CDK12: variants seen among roughly 807,000 people sequenced by gnomAD.
The protein encoded by CDK12 is cyclin dependent kinase 12, also known as cyclin-dependent kinase 12.
A neutral mutation model predicts 133.8 loss-of-function variants in CDK12; 17 were observed. The observed-to-expected ratio is 0.13, with a 90% CI of 0.09 to 0.19. The LOEUF (loss-of-function observed/expected upper bound fraction) is 0.19, where lower values mean the gene tolerates loss of function less well. CDK12 is among the 10% of genes least tolerant of loss of function. CDK12 has a pLI of 1.00. For missense variants in CDK12, 1,508 were observed against 1,818.7 expected (o/e 0.83, Z 3.11); for synonymous variants, 694 against 683.6 (o/e 1.02, Z -0.24).
upstream of CDK12, among the ~76,000 whole-genome samples, chr17:39,548,733 C>T (rs987440125): frequency 6.6e-6 from 1 of 152,184 alleles, no homozygotes; most frequent in Non-Finnish European, 1.5e-5. Flanking sequence ...GGCCATGAGC[C>T]TCATACCCAC....
intron 9 of CDK12, among the ~76,000 whole-genome samples, 189 bp from the exon 10 acceptor site, chr17:39,517,251 A>G (rs545315168): frequency 6.6e-6 from 1 of 152,294 alleles, no homozygotes; most frequent in East Asian, 1.9e-4. Context: ...TGTTATAACC[A>G]GTTCTTTCTG....
chr17:39,464,308 C>G (rs553387301), intron 1 of CDK12, among the ~76,000 whole-genome samples: 88 of 151,960 alleles, frequency 5.8e-4, no homozygotes, highest in African/African-American at 1.8e-3. Flanking sequence ...GCAGCCTTGA[C>G]TTCCCAGGCT....
At chr17:39,557,928 AAATGCAGAAAAAC>A (rs1426675563) in intron 3 of CDK12, among the ~76,000 whole-genome samples, 1 of 152,196 alleles carries the variant, frequency 6.6e-6, no homozygotes, top group Non-Finnish European at 1.5e-5. Flanking sequence ...TTTCCTTGTA[AAATGCAGAAAAAC>A]AACTACTCCT....
intron 2 of CDK12, among the ~76,000 whole-genome samples, chr17:39,484,670 A>G (rs898338988): frequency 6.6e-6 from 1 of 152,166 alleles, no homozygotes; most frequent in African/African-American, 2.4e-5. Flanking sequence ...TAAAAATGTA[A>G]TATTTTAGAA....
chr17:39,520,924 C>T (rs757145751), intron 11 of CDK12, among the ~76,000 whole-genome samples: 2 of 151,916 alleles, frequency 1.3e-5, no homozygotes, highest in Non-Finnish European at 2.9e-5. Flanking sequence ...CTCAGCTCGC[C>T]GCAACCTCTG....
chr17:39,560,350 T>C (rs754560265), intron 3 of CDK12, among the ~76,000 whole-genome samples: 7 of 152,264 alleles, frequency 4.6e-5, no homozygotes, highest in Non-Finnish European at 1.0e-4. Context: ...TCTCACTTTG[T>C]ACTCATTAGC....
intron 2 of CDK12, 82 bp downstream of exon 2, chr17:39,471,845 C>T (rs546192190): frequency 4.2e-6 from 5 of 1,201,760 alleles, no homozygotes; most frequent in Non-Finnish European, 4.7e-6. Flanking sequence ...CAACACTACC[C>T]TCATGGTTTT....
chr17:39,492,941 T>C, intron 4 of CDK12, 51 bp downstream of exon 4: 1 of 1,440,796 alleles, frequency 6.9e-7, no homozygotes, highest in Non-Finnish European at 9.5e-7. Context: ...AATTTAGCAA[T>C]ACTAATATCT....
intron 2 of CDK12, among the ~76,000 whole-genome samples, chr17:39,476,976 C>A (rs924976192): frequency 1.3e-5 from 2 of 151,158 alleles, no homozygotes; most frequent in African/African-American, 4.9e-5. Flanking sequence ...GGGCTTCCAA[C>A]GTGCTGGAAT....
At position 39,492,890 on chromosome 17, in the gene CDK12, G is replaced by A. The variant is rs2051749842; in HGVS notation, c.2248G>A (p.Gly750Arg). The A allele has an allele frequency of 6.3e-7, 1 of 1,592,000 alleles. No individual in the cohort carries two copies. The highest frequency in any genetic ancestry group is 1.2e-5 in the South Asian group (1 of 86,482). Residue 750 changes from glycine (G) to arginine (R), a missense_variant and splice_region_variant, in exon 4 of 14, where the codon GGA (glycine) becomes AGA (arginine). Gly to Arg is a moderately radical substitution (Grantham distance 125, BLOSUM62 -2). Around this residue, in one of 9 missense-constraint regions of CDK12, gnomAD observed 74 missense variants for 160.2 expected, o/e 0.46. Coordinates refer to ENST00000447079, the MANE Select transcript of CDK12 (RefSeq NM_016507.4). ...QVYKAKDKDT[G>R]ELVALKKVRL... The stretch of plus-strand genomic sequence containing the variant: ...ATATAAAGCCAAGGACAAAGACACA[G>A]GTAAATATTGCCACAAAATTTTAGA...
chr17:39,497,388 C>A (rs570665889), intron 5 of CDK12, among the ~76,000 whole-genome samples: 1 of 152,000 alleles, frequency 6.6e-6, no homozygotes, highest in Non-Finnish European at 1.5e-5. Context: ...ACTAAAAATG[C>A]GAAAATTCGC....
At chr17:39,502,675 A>AT (rs1359613266) in intron 6 of CDK12, among the ~76,000 whole-genome samples, 2 of 151,978 alleles carry the variant, frequency 1.3e-5, no homozygotes, top group Non-Finnish European at 2.9e-5. Context: ...ATTAAGGTCA[A>AT]TTTTTTTTCA....
chr17:39,526,100 G>T lies in CDK12; in HGVS notation c.3544G>T (p.Ala1182Ser), dbSNP rs960384787. ...TMAPEESLKE[A>S]PSAPVILPSA... The stretch of plus-strand genomic sequence containing the variant: ...GGCCCCAGAGGAGTCTTTGAAGGAA[G>T]CACCCTCTGCCCCAGTGATCCTGCC... Residue 1182 changes from alanine to serine, a missense_variant, in exon 13 of 14, where the codon GCA becomes TCA. Transcript: ENST00000447079. 1.1e-5 allele frequency: 17 copies of T among 1,614,220 alleles called. No homozygotes were observed. The highest frequency in any genetic ancestry group is 1.2e-5 in the Non-Finnish European group (14 of 1,180,040).
At chr17:39,480,820 C>T (rs116360414) in intron 2 of CDK12, among the ~76,000 whole-genome samples, 4 of 152,140 alleles carry the variant, frequency 2.6e-5, no homozygotes, top group Non-Finnish European at 4.4e-5. Context: ...ATTTCAAAAG[C>T]CTTTCTCATT....
At chr17:39,540,928 C>G (rs1192697503) in intron 1 of CDK12, among the ~76,000 whole-genome samples, 1 of 152,172 alleles carries the variant, frequency 6.6e-6, no homozygotes, top group Admixed American at 6.5e-5. Context: ...CTGATTGCAG[C>G]TGAGAGGAAG....
chr17:39,494,510 A>G lies in CDK12; in HGVS notation c.2249-14A>G. Reference sequence around the variant, plus strand: ...ATGCTCATTGATAATAACAGTTTACATTTGTTTTGGCAGGAGAACTAGTGG... The same window carrying G: ...ATGCTCATTGATAATAACAGTTTACGTTTGTTTTGGCAGGAGAACTAGTGG... On this transcript the variant is annotated splice_polypyrimidine_tract_variant and intron_variant, in intron 4 of 13. Coordinates refer to ENST00000447079, the MANE Select transcript of CDK12 (RefSeq NM_016507.4). 2 of 1,613,020 alleles carry G rather than the reference A, an allele frequency of 1.2e-6. No individual in the cohort carries two copies.
chr17:39,542,482 C>T (rs1039049556), intron 1 of CDK12, among the ~76,000 whole-genome samples: 9 of 151,580 alleles, frequency 5.9e-5, no homozygotes, highest in East Asian at 3.9e-4. Context: ...TGAGCCACCG[C>T]GCCCAGCCTC....
At chr17:39,551,530 A>C (rs1471765849) in intron 2 of CDK12, among the ~76,000 whole-genome samples, 1 of 152,140 alleles carries the variant, frequency 6.6e-6, no homozygotes, top group Non-Finnish European at 1.5e-5. Context: ...CTGCTGCAAT[A>C]TAATAAGCCA....
intron 2 of CDK12, among the ~76,000 whole-genome samples, chr17:39,489,221 C>T (rs998001047): frequency 6.6e-6 from 1 of 151,724 alleles, no homozygotes; most frequent in Non-Finnish European, 1.5e-5. Flanking sequence ...GCTGGGAGTA[C>T]AGGTGCACCC....
Sources: allele counts gnomAD v4.1 joint callset (sites outside exome capture counted in the v4.1 genomes callset), GRCh38; gene constraint gnomAD v4.1.1; regional missense constraint gnomAD v4.1.1; transcripts MANE v1.5; gene names NCBI Gene and HGNC (gene_info 2026-07-23, HGNC 2026-07-21).